Variants in KREMEN1 observed in about 807,000 individuals in gnomAD.
KREMEN1 encodes kremen protein 1.
Under a neutral mutation model 46.5 loss-of-function variants are expected in KREMEN1, and 30 were observed. The ratio of observed to expected loss-of-function variants is 0.65; its 90% confidence interval spans 0.48 to 0.88. The LOEUF (loss-of-function observed/expected upper bound fraction) is 0.88, where lower values mean the gene tolerates loss of function less well. KREMEN1 is among the 40% of genes least tolerant of loss of function. The pLI, the probability that KREMEN1 is intolerant of heterozygous loss-of-function variation, is 0.00. For synonymous variants in KREMEN1, 214 were observed against 230.6 expected, an observed-to-expected ratio of 0.93 and a Z score of 0.65; for missense variants, 533 against 596.9, an observed-to-expected ratio of 0.89 and a Z score of 1.11.
chr22:29,122,867 G>A (rs959832287), intron 4 of KREMEN1, among the ~76,000 whole-genome samples: 1 of 148,434 alleles, frequency 6.7e-6, no homozygotes, highest in African/African-American at 2.5e-5. Flanking sequence ...GAACACAGGA[G>A]GCGGAGGTTG....
At chr22:29,139,001 AG>A (rs1306724584) in intron 7 of KREMEN1, among the ~76,000 whole-genome samples, 1 of 152,210 alleles carries the variant, frequency 6.6e-6, no homozygotes, top group Non-Finnish European at 1.5e-5. Flanking sequence ...TCCAAAAATT[AG>A]GCAAGCGTGC....
At chr22:29,152,769 G>A (rs956386127) in intron 9 of KREMEN1, among the ~76,000 whole-genome samples, 12 of 152,128 alleles carry the variant, frequency 7.9e-5, no homozygotes, top group African/African-American at 2.9e-4. Context: ...CAGTGGCACC[G>A]TCACAGGGTA....
At position 29,125,296 on chromosome 22, in the gene KREMEN1, T is replaced by C; in HGVS notation, c.511T>C (p.Cys171Arg). 2 of 1,614,196 alleles carry C rather than the reference T, an allele frequency of 1.2e-6. No individual in the cohort carries two copies. Among genetic ancestry groups the C allele is most frequent in the Non-Finnish European group, 1.7e-6 (2 of 1,180,020 alleles). ...GATGGAGTCAGGCTATGCTTGCTTC[T>C]GTGGAAACAATCCTGATTACTGGAA... Reference protein sequence around the residue: ...AGMESGYACFCGNNPDYWKYG... With the variant: ...AGMESGYACFRGNNPDYWKYG... The change falls in exon 5 of 9, where the codon TGT (cysteine) becomes CGT (arginine). Residue 171 changes from cysteine to arginine, a missense_variant. Coordinates refer to ENST00000400335, the MANE Select transcript of KREMEN1 (RefSeq NM_001039570.3).
rs1304333687 is a variant in KREMEN1 at position 29,144,498 on chromosome 22, G to A, written c.*2386G>A. The A allele has an allele frequency of 1.0e-6, 1 of 985,374 alleles. No homozygotes were observed. The highest frequency in any genetic ancestry group is 1.1e-4 in the East Asian group (1 of 8,824). 61.0% of individuals were successfully genotyped at this position (985,374 alleles called of 1,614,324 possible). On this transcript the variant is annotated 3_prime_UTR_variant, in exon 9 of 9. Coordinates refer to ENST00000400335, the MANE Select transcript of KREMEN1 (RefSeq NM_001039570.3). ...ATGCTTTGATCTGGAAAGAGCAGCT[G>A]TCCGCAGGCCTCTGTCTCCAAGAGG...
intron 9 of KREMEN1, among the ~76,000 whole-genome samples, chr22:29,166,096 C>T (rs1002309176): frequency 1.3e-5 from 2 of 152,180 alleles, no homozygotes; most frequent in African/African-American, 4.8e-5. Context: ...CACACAGGTA[C>T]AAGCACACAA....
In KREMEN1 at chr22:29,162,506, C is replaced by T. The variant is rs548220137; in HGVS notation, c.1417-4538C>T. On this transcript the variant is annotated intron_variant, in intron 9 of 9. Transcript: ENST00000327813. Reference sequence around the variant, plus strand: ...CTGAGGCAAGTGGATGAACTGAGGTCAGGAGTTCAAGACCAGCCTGGCCAA... The same window carrying T: ...CTGAGGCAAGTGGATGAACTGAGGTTAGGAGTTCAAGACCAGCCTGGCCAA... Among the ~76,000 whole-genome samples the T allele has an allele frequency of 2.6e-5, 4 of 152,232 alleles. No individual in the cohort carries two copies. The East Asian group carries it at 7.7e-4, about 29-fold the overall frequency.
At chr22:29,080,915 C>T (rs2037643261) in intron 1 of KREMEN1, among the ~76,000 whole-genome samples, 2 of 147,630 alleles carry the variant, frequency 1.4e-5, no homozygotes, top group Admixed American at 6.8e-5. Flanking sequence ...TGAGAAACCC[C>T]GTCCTGATTG....
chr22:29,121,338 G>GT lies in KREMEN1; in HGVS notation c.353-14dup. The GT allele has an allele frequency of 1.2e-5, 19 of 1,611,842 alleles. No individual in the cohort carries two copies. Among genetic ancestry groups the GT allele is most frequent in the Non-Finnish European group, 1.6e-5 (19 of 1,178,868 alleles). On this transcript the variant is annotated intron_variant, in intron 3 of 8. Transcript: ENST00000400335. ...CAGCCAGATGTTGCGAAATTCTTTT[G>GT]TTTTTCTTTTTTCTTTAGTGCCTGG...
At chr22:29,127,527 G>C (rs1371213120) in intron 5 of KREMEN1, among the ~76,000 whole-genome samples, 25 of 152,172 alleles carry the variant, frequency 1.6e-4, no homozygotes, top group Admixed American at 1.6e-3. Flanking sequence ...TGGTTGTGGT[G>C]GCACACGTGC....
Position 29,137,253 on chromosome 22 carries a change from C to T in KREMEN1, c.632-89C>T, listed in dbSNP as rs112840576. 5.9e-3 allele frequency: 5,324 copies of T among 898,430 alleles called. 21 individuals are homozygous for T. The highest frequency in any genetic ancestry group is 7.4e-3 in the Non-Finnish European group (4,599 of 619,836). The allele number at this position is 898,430 out of a possible 1,614,324, so 55.7% of individuals were successfully genotyped here. A position where few individuals can be genotyped will look rare whatever the true frequency, so the allele number is the denominator to read the frequency against. On this transcript the variant is annotated intron_variant, in intron 5 of 8. Coordinates refer to ENST00000400335, the MANE Select transcript of KREMEN1 (RefSeq NM_001039570.3). ...ACAATGTCCTAAATGGGATCCTGCT[C>T]GTTAGGAAGGCTTTAGTGCCTTGGT...
intron 4 of KREMEN1, among the ~76,000 whole-genome samples, chr22:29,123,761 A>T (rs1198431545): frequency 6.6e-6 from 1 of 152,182 alleles, no homozygotes. Flanking sequence ...CTGTACTCCA[A>T]CCTGGATGAC....
intron 3 of KREMEN1, among the ~76,000 whole-genome samples, chr22:29,102,151 G>A (rs1170439394): frequency 6.6e-6 from 1 of 152,068 alleles, no homozygotes; most frequent in African/African-American, 2.4e-5. Context: ...CACCTCTCAG[G>A]TCAGGAGTCT....
At chr22:29,080,664 G>A (rs912052677) in intron 1 of KREMEN1, among the ~76,000 whole-genome samples, 1 of 152,188 alleles carries the variant, frequency 6.6e-6, no homozygotes, top group Admixed American at 6.5e-5. Flanking sequence ...CTGGTTAATG[G>A]GTGTGACACT....
At position 29,137,633 on chromosome 22, in the gene KREMEN1, A is replaced by T. The variant is rs376600397; in HGVS notation, c.923A>T (p.Asp308Val). Residue 308 changes from aspartate (D) to valine (V), a missense_variant, in exon 6 of 9, where the codon GAT (aspartate) becomes GTT (valine). Transcript: ENST00000400335. ...LDFVILYFFSDRINQAQGFAV... is the reference protein window; with the variant it reads ...LDFVILYFFSVRINQAQGFAV... ...TTCGTCATCTTGTATTTCTTCTCTG[A>T]TCGCATCAATCAGGCCCAGGGATTT... The T allele has an allele frequency of 9.6e-5, 154 of 1,608,786 alleles. 1 individual carries two copies. The highest frequency in any genetic ancestry group is 7.5e-4 in the South Asian group (68 of 90,938).
In KREMEN1 at chr22:29,074,376, T is replaced by C. The variant is rs1040772248; in HGVS notation, c.97+1149T>C. 3.3e-5 allele frequency among the ~76,000 whole-genome samples: 5 copies of C among 152,358 alleles called. No individual in the cohort carries two copies. The East Asian group carries it at 5.8e-4, about 18-fold the overall frequency. On this transcript the variant is annotated intron_variant, in intron 1 of 8. Coordinates refer to ENST00000400335, the MANE Select transcript of KREMEN1 (RefSeq NM_001039570.3). ...GGGTGCAACGCCGAGCTCCGTGTTT[T>C]GGGTCAGCCCACACCTTAGACAGGT...
chr22:29,114,998 A>C (rs1183148191), intron 3 of KREMEN1, among the ~76,000 whole-genome samples: 1 of 152,208 alleles, frequency 6.6e-6, no homozygotes, highest in Non-Finnish European at 1.5e-5. Context: ...CAGTGAGAAG[A>C]AAGGAGTCAA....
At chr22:29,075,730 C>T (rs1284035457) in intron 1 of KREMEN1, among the ~76,000 whole-genome samples, 4 of 152,158 alleles carry the variant, frequency 2.6e-5, no homozygotes, top group Non-Finnish European at 5.9e-5. Context: ...CACATACACA[C>T]ACACACTTTA....
At chr22:29,084,492 AACAC>A (rs756579972) in intron 1 of KREMEN1, among the ~76,000 whole-genome samples, 28 of 152,348 alleles carry the variant, frequency 1.8e-4, no homozygotes, top group South Asian at 4.1e-4. Flanking sequence ...TCCTGGCAGA[AACAC>A]ACATGCTTCA....
At chr22:29,115,906 G>A (rs1237385370) in intron 3 of KREMEN1, among the ~76,000 whole-genome samples, 1 of 152,230 alleles carries the variant, frequency 6.6e-6, no homozygotes, top group African/African-American at 2.4e-5. Flanking sequence ...TGTATAGAAT[G>A]TGAGCTGAAG....
Sources: gnomAD v4.1 joint callset for allele counts (sites outside exome capture counted in the v4.1 genomes callset) on GRCh38, gnomAD v4.1.1 for gene constraint, MANE v1.5 for transcripts, NCBI Gene and HGNC (gene_info 2026-07-23, HGNC 2026-07-21) for gene names.